Variants in IPMK observed in about 807,000 individuals in gnomAD.
IPMK encodes inositol polyphosphate multikinase.
IPMK carries 17 observed loss-of-function variants against 45.8 expected under a neutral mutation model. The observed-to-expected ratio is 0.37, with a 90% CI of 0.25 to 0.56. The LOEUF (loss-of-function observed/expected upper bound fraction) is 0.56. Ranked by LOEUF, IPMK falls within the 20% of genes least tolerant of loss-of-function variation. IPMK has a pLI of 0.79. For synonymous variants in IPMK, 180 were observed against 184.3 expected (o/e 0.98, Z 0.19); for missense variants, 399 against 498.0 (o/e 0.80, Z 1.89).
intron 5 of IPMK, among the ~76,000 whole-genome samples, chr10:58,197,670 G>GAA (rs10617632): frequency 7.7e-6 from 1 of 129,932 alleles, no homozygotes; most frequent in Non-Finnish European, 1.7e-5. Flanking sequence ...GAAAAGAAAA[G>GAA]AAAAAAAAAA....
At chr10:58,200,263 T>G (rs1210016526) in intron 4 of IPMK, among the ~76,000 whole-genome samples, 2 of 151,976 alleles carry the variant, frequency 1.3e-5, no homozygotes, top group Non-Finnish European at 2.9e-5. Flanking sequence ...GGATTACAGG[T>G]GCGTGACAAT....
chr10:58,207,608 T>A (rs538780785), intron 4 of IPMK, among the ~76,000 whole-genome samples: 1 of 152,212 alleles, frequency 6.6e-6, no homozygotes, highest in Non-Finnish European at 1.5e-5. Context: ...TCTGTCTTGA[T>A]AACCCATCGA....
At chr10:58,255,440 G>C (rs1838950726) in intron 1 of IPMK, among the ~76,000 whole-genome samples, 1 of 152,134 alleles carries the variant, frequency 6.6e-6, no homozygotes, top group South Asian at 2.1e-4. Flanking sequence ...GGGTGACACA[G>C]TCTGAAATGA....
chr10:58,250,040 CTA>C (rs1185542929), intron 1 of IPMK, among the ~76,000 whole-genome samples: 1 of 152,172 alleles, frequency 6.6e-6, no homozygotes, highest in East Asian at 1.9e-4. Context: ...TTCCATTAGA[CTA>C]TGTGTCTGTT....
At chr10:58,234,800 G>C (rs1169477614) in intron 2 of IPMK, among the ~76,000 whole-genome samples, 1 of 152,140 alleles carries the variant, frequency 6.6e-6, no homozygotes, top group African/African-American at 2.4e-5. Flanking sequence ...GACAACAAAA[G>C]CCAAAATAGA....
intron 2 of IPMK, among the ~76,000 whole-genome samples, chr10:58,232,325 A>C (rs1838537041): frequency 6.6e-6 from 1 of 152,226 alleles, no homozygotes; most frequent in Non-Finnish European, 1.5e-5. Flanking sequence ...GCTCTACAAC[A>C]AGCAGACCTA....
Position 58,259,959 on chromosome 10 carries a change from G to T in IPMK, c.190+7463C>A, listed in dbSNP as rs917862980. On this transcript the variant is annotated intron_variant, in intron 1 of 5. Coordinates refer to ENST00000373935, the MANE Select transcript of IPMK (RefSeq NM_152230.5). ...ATCAATCAAGGTAAAGTTTCATGAG[G>T]AACAGAATATCTAACAGTCTCAAAA... is the stretch of plus-strand genomic sequence containing the variant. Among the ~76,000 whole-genome samples the T allele has an allele frequency of 1.4e-4, 22 of 152,070 alleles. 1 individual carries two copies. The highest frequency in any genetic ancestry group is 5.3e-4 in the African/African-American group (22 of 41,392).
chr10:58,220,873 C>A lies in IPMK; in HGVS notation c.374-4556G>T, dbSNP rs897711535. Reference sequence around the variant, plus strand: ...CCTCTAAGTATATATAAATATTAAACAAGTAAGTCACTGATAAGTATTAAA... The same window carrying A: ...CCTCTAAGTATATATAAATATTAAAAAAGTAAGTCACTGATAAGTATTAAA... On this transcript the variant is annotated intron_variant, in intron 3 of 5. Transcript: ENST00000373935. Among the ~76,000 whole-genome samples, 3 of 152,086 alleles carry A rather than the reference C, an allele frequency of 2.0e-5. No individual in the cohort carries two copies. In the East Asian group the frequency reaches 5.8e-4, roughly 29 times the overall value.
At chr10:58,213,816 T>C (rs1192215828) in intron 4 of IPMK, among the ~76,000 whole-genome samples, 1 of 151,962 alleles carries the variant, frequency 6.6e-6, no homozygotes, top group African/African-American at 2.4e-5. Flanking sequence ...AAGGAGGGTG[T>C]GGCTGGCATT....
chr10:58,248,679 C>T (rs1838839281), intron 1 of IPMK, among the ~76,000 whole-genome samples: 1 of 152,110 alleles, frequency 6.6e-6, no homozygotes, highest in African/African-American at 2.4e-5. Flanking sequence ...CGTTAAACAA[C>T]CTCTCTTCAT....
intron 1 of IPMK, among the ~76,000 whole-genome samples, chr10:58,263,448 T>C (rs1023765655): frequency 6.6e-6 from 1 of 151,082 alleles, no homozygotes; most frequent in Non-Finnish European, 1.5e-5. Flanking sequence ...CACTTGAACC[T>C]GGGAGGCGGA....
intron 3 of IPMK, among the ~76,000 whole-genome samples, chr10:58,224,214 T>G (rs954236770): frequency 6.6e-6 from 1 of 152,152 alleles, no homozygotes; most frequent in Non-Finnish European, 1.5e-5. Context: ...AGTAGCTAGC[T>G]CCAGAAAACT....
Position 58,237,799 on chromosome 10 carries a change from G to C in IPMK, c.206C>G (p.Pro69Arg). The C allele has an allele frequency of 6.2e-7, 1 of 1,613,150 alleles. No homozygotes were observed. ...TAACTGTTTCAAAACTGTGCCATCT[G>C]GATGTTGCAGTATACCTATGGAACA... is the stretch of plus-strand genomic sequence containing the variant. ...GKDKVGILQH[P>R]DGTVLKQLQP... is the part of the protein sequence containing the mutation. Residue 69 changes from proline to arginine, a missense_variant, in exon 2 of 6, where the codon CCA becomes CGA. Pro to Arg is a moderately radical substitution (Grantham distance 103, BLOSUM62 -2). Coordinates refer to ENST00000373935, the MANE Select transcript of IPMK (RefSeq NM_152230.5).
chr10:58,196,502 T>C lies in IPMK; in HGVS notation c.825A>G (p.Glu275=). The change falls in exon 6 of 6, where the codon GAA becomes GAG. Residue 275 remains glutamate (E), a synonymous_variant. Transcript: ENST00000373935. The part of the protein sequence containing the change: ...TTKLNDRTLA[E]KFLSKGQLSD... Reference sequence around the variant, plus strand: ...ACAGTTGTCCTTTGGACAAAAACTTTTCTGCCAAAGTTCTGTCATTCAATT... The same window carrying C: ...ACAGTTGTCCTTTGGACAAAAACTTCTCTGCCAAAGTTCTGTCATTCAATT... 2.5e-6 allele frequency: 4 copies of C among 1,614,056 alleles called. No homozygotes were observed. The highest frequency in any genetic ancestry group is 3.4e-6 in the Non-Finnish European group (4 of 1,179,986).
chr10:58,216,466 A>G (rs1276796800), intron 3 of IPMK, 149 bp from the exon 4 acceptor site: 1 of 416,264 alleles, frequency 2.4e-6, no homozygotes, highest in Non-Finnish European at 4.2e-6. Flanking sequence ...CTCTACCTAA[A>G]AAAAAAACCT....
chr10:58,227,843 A>G (rs770891790), intron 2 of IPMK, among the ~76,000 whole-genome samples: 1 of 152,130 alleles, frequency 6.6e-6, no homozygotes, highest in Non-Finnish European at 1.5e-5. Context: ...ATGGCATGTA[A>G]GACATGTTAT....
chr10:58,201,149 G>T (rs1180928687), intron 4 of IPMK, among the ~76,000 whole-genome samples: 1 of 152,116 alleles, frequency 6.6e-6, no homozygotes, highest in Admixed American at 6.5e-5. Flanking sequence ...CTCTGGAAGG[G>T]TATATAGAGA....
intron 2 of IPMK, among the ~76,000 whole-genome samples, chr10:58,236,288 G>A (rs1478973542): frequency 1.3e-5 from 2 of 152,002 alleles, no homozygotes; most frequent in African/African-American, 4.8e-5. Context: ...AAGGCTCCTG[G>A]ACACATTTAT....
intron 1 of IPMK, among the ~76,000 whole-genome samples, chr10:58,245,430 A>G (rs1838782400): frequency 6.6e-6 from 1 of 151,866 alleles, no homozygotes; most frequent in Non-Finnish European, 1.5e-5. Flanking sequence ...TGGCCATCAT[A>G]GTGGAACCCC....
Sources: allele counts gnomAD v4.1 joint callset (sites outside exome capture counted in the v4.1 genomes callset), GRCh38; gene constraint gnomAD v4.1.1; transcripts MANE v1.5; gene names NCBI Gene and HGNC (gene_info 2026-07-23, HGNC 2026-07-21).